Variants in GRIN2A observed in about 807,000 individuals in gnomAD.
GRIN2A encodes the protein glutamate receptor ionotropic, NMDA 2A.
In GRIN2A, 22 loss-of-function variants were observed where a neutral mutation model predicts 113.4. The ratio of observed to expected loss-of-function variants is 0.19; its 90% confidence interval spans 0.14 to 0.28. The LOEUF is 0.28. GRIN2A is among the 10% of genes least tolerant of loss of function. GRIN2A has a pLI of 1.00. For synonymous variants in GRIN2A, 827 were observed against 738.4 expected (o/e 1.12, Z -1.94); for missense variants, 1,502 against 1,887.0 (o/e 0.80, Z 3.78).
At position 10,064,104 on chromosome 16, in the gene GRIN2A, C is replaced by G. The variant is rs1244899014; in HGVS notation, c.414+115894G>C. ...ACTCTCAAACAGAGAGCTTTTCTTACCCATGGTAGGTTCTCAATCGATGTC... is the reference window on the plus strand; with the variant it reads ...ACTCTCAAACAGAGAGCTTTTCTTAGCCATGGTAGGTTCTCAATCGATGTC... On this transcript the variant is annotated intron_variant, in intron 2 of 12. Coordinates refer to ENST00000330684, the MANE Select transcript of GRIN2A (RefSeq NM_001134407.3). 3.3e-5 allele frequency among the ~76,000 whole-genome samples: 5 copies of G among 152,290 alleles called. No individual in the cohort carries two copies. The East Asian group carries it at 9.6e-4, about 29-fold the overall frequency.
chr16:9,810,017 G>T (rs1465109984), intron 10 of GRIN2A, among the ~76,000 whole-genome samples: 2 of 152,066 alleles, frequency 1.3e-5, no homozygotes, highest in African/African-American at 2.4e-5. Context: ...GCAGTGGGCC[G>T]AGATCGCGCC....
At chr16:9,949,060 C>T (rs949025953) in intron 2 of GRIN2A, among the ~76,000 whole-genome samples, 4 of 151,838 alleles carry the variant, frequency 2.6e-5, no homozygotes, top group African/African-American at 9.7e-5. Flanking sequence ...TGGGAGCTCA[C>T]TGAGGAAATA....
At chr16:9,816,098 C>T (rs908882917) in intron 10 of GRIN2A, among the ~76,000 whole-genome samples, 13 of 152,022 alleles carry the variant, frequency 8.6e-5, no homozygotes, top group Middle Eastern at 3.2e-3. Flanking sequence ...GGTTGCCAGG[C>T]GCTAGGGAAA....
chr16:10,162,147 C>T (rs2049820140), intron 2 of GRIN2A, among the ~76,000 whole-genome samples: 1 of 152,082 alleles, frequency 6.6e-6, no homozygotes, highest in Non-Finnish European at 1.5e-5. Flanking sequence ...AAGCATTGAA[C>T]CTAGAAGTCC....
chr16:10,006,629 G>A (rs1029852329), intron 2 of GRIN2A, among the ~76,000 whole-genome samples: 4 of 151,938 alleles, frequency 2.6e-5, no homozygotes, highest in Non-Finnish European at 4.4e-5. Context: ...TTCTTTCAAC[G>A]TTCCTATTGT....
chr16:10,066,206 C>T lies in GRIN2A; in HGVS notation c.414+113792G>A, dbSNP rs149058013. Among the ~76,000 whole-genome samples, 78 of 152,262 alleles carry T rather than the reference C, an allele frequency of 5.1e-4. No individual in the cohort carries two copies. The East Asian group carries it at 6.6e-3, about 13-fold the overall frequency. On this transcript the variant is annotated intron_variant, in intron 2 of 12. Coordinates refer to ENST00000330684, the MANE Select transcript of GRIN2A (RefSeq NM_001134407.3). ...CTGCCAGCCTTTGAAGTTTGGGATG[C>T]GTCTTCCTCTCTGTGCCTCTCAGGG...
intron 2 of GRIN2A, among the ~76,000 whole-genome samples, chr16:9,992,860 G>T (rs936473578): frequency 6.6e-5 from 10 of 152,080 alleles, no homozygotes. Flanking sequence ...CTCCTTCTCA[G>T]TCTTGCTTCC....
At chr16:10,034,645 G>A (rs1181271126) in intron 2 of GRIN2A, among the ~76,000 whole-genome samples, 3 of 150,184 alleles carry the variant, frequency 2.0e-5, no homozygotes, top group Admixed American at 2.0e-4. Flanking sequence ...AAGAGGTAAA[G>A]GTGTCACTCA....
At chr16:10,110,517 A>T (rs1327950927) in intron 2 of GRIN2A, among the ~76,000 whole-genome samples, 2 of 152,204 alleles carry the variant, frequency 1.3e-5, no homozygotes, top group Non-Finnish European at 2.9e-5. Context: ...TGAGGAAGCT[A>T]TTGGAGTGAT....
rs749688882 is a variant in GRIN2A, at chr16:9,763,668, G to C, written c.3876C>G (p.Tyr1292Ter). ...CCCTAGGTTTGTCGACAATGTTATC[G>C]TAGGAATGCTGACGGCTAATCCTTA... ...NKLRISRQHS[Y>*]DNIVDKPREL... The change falls in exon 13 of 13, where the codon TAC becomes TAG. Residue 1292 changes from tyrosine (Y) to a stop codon, truncating the protein, a stop_gained. Transcript: ENST00000330684. LOFTEE classifies it high-confidence loss of function. 1.2e-6 allele frequency: 2 copies of C among 1,613,612 alleles called. No individual in the cohort carries two copies. Among genetic ancestry groups the C allele is most frequent in the African/African-American group, 1.3e-5 (1 of 75,020 alleles).
chr16:9,791,020 AT>A (rs1902575555), intron 11 of GRIN2A, among the ~76,000 whole-genome samples: 1 of 152,190 alleles, frequency 6.6e-6, no homozygotes, highest in African/African-American at 2.4e-5. Flanking sequence ...CTTTATGTTT[AT>A]TTTCATATTT....
At chr16:9,907,991 G>A (rs560926172) in intron 3 of GRIN2A, among the ~76,000 whole-genome samples, 9 of 152,322 alleles carry the variant, frequency 5.9e-5, no homozygotes, top group East Asian at 1.9e-4. Context: ...ATGAGCAGGA[G>A]CAGATTTTCA....
chr16:10,044,951 TA>T (rs2047233177), intron 2 of GRIN2A, among the ~76,000 whole-genome samples: 1 of 152,218 alleles, frequency 6.6e-6, no homozygotes, highest in Admixed American at 6.5e-5. Context: ...TACTATTCCC[TA>T]ATCAATGACC....
At chr16:10,057,208 C>A (rs116170092) in intron 2 of GRIN2A, among the ~76,000 whole-genome samples, 2,436 of 152,272 alleles carry the variant, frequency 0.016, 65 homozygotes, top group African/African-American at 0.055. Flanking sequence ...AGTAGTAGCA[C>A]GATATTATGG....
At chr16:10,024,865 G>C (rs897179235) in intron 2 of GRIN2A, among the ~76,000 whole-genome samples, 3 of 152,180 alleles carry the variant, frequency 2.0e-5, no homozygotes, top group Non-Finnish European at 2.9e-5. Flanking sequence ...TGGCTATTTG[G>C]TTGGCTGGCT....
chr16:9,800,065 C>T (rs1483581623), intron 10 of GRIN2A, among the ~76,000 whole-genome samples: 1 of 152,030 alleles, frequency 6.6e-6, no homozygotes, highest in Non-Finnish European at 1.5e-5. Context: ...ACCTCCACCT[C>T]CTGGGTTCAA....
At chr16:10,070,487 T>C (rs560321602) in intron 2 of GRIN2A, among the ~76,000 whole-genome samples, 136 of 152,206 alleles carry the variant, frequency 8.9e-4, no homozygotes, top group African/African-American at 2.9e-3. Context: ...ATCTACAACA[T>C]TGCCATATGT....
At chr16:9,988,669 C>A (rs2046035908) in intron 2 of GRIN2A, among the ~76,000 whole-genome samples, 1 of 152,132 alleles carries the variant, frequency 6.6e-6, no homozygotes, top group South Asian at 2.1e-4. Flanking sequence ...TCACAACAAC[C>A]CTCTCAAGAA....
At chr16:9,906,337 C>T (rs2044027210) in intron 3 of GRIN2A, among the ~76,000 whole-genome samples, 1 of 152,204 alleles carries the variant, frequency 6.6e-6, no homozygotes, top group African/African-American at 2.4e-5. Context: ...CATGGTATCC[C>T]AGTAAAGTCT....
Sources: gnomAD v4.1 joint callset for allele counts (sites outside exome capture counted in the v4.1 genomes callset) on GRCh38, gnomAD v4.1.1 for gene constraint, MANE v1.5 for transcripts, NCBI Gene and HGNC (gene_info 2026-07-23, HGNC 2026-07-21) for gene names.